Variants in CES4A observed in about 807,000 individuals in gnomAD.
CES4A encodes carboxylesterase 6.
Under a neutral mutation model 65.4 loss-of-function variants are expected in CES4A, and 48 were observed. That is an observed-to-expected ratio of 0.73 (90% CI 0.58 to 0.93). The LOEUF (loss-of-function observed/expected upper bound fraction) is 0.93, where lower values mean the gene tolerates loss of function less well. Among genes scored for constraint, CES4A ranks in the 40% least tolerant of loss-of-function variants. CES4A has a pLI of 0.00. For synonymous variants in CES4A, 247 were observed against 281.8 expected, an observed-to-expected ratio of 0.88 and a Z score of 1.24; for missense variants, 685 against 728.5, an observed-to-expected ratio of 0.94 and a Z score of 0.69.
Position 67,005,391 on chromosome 16 carries a change from G to T in CES4A, c.1313G>T (p.Arg438Leu), listed in dbSNP as rs202172028. 3 of 1,613,584 alleles carry T rather than the reference G, an allele frequency of 1.9e-6. No individual in the cohort carries two copies. The South Asian group carries it at 3.3e-5, about 18-fold the overall frequency. The change falls in exon 11 of 14, where the codon CGA becomes CTA. Residue 438 changes from arginine (R) to leucine (L), a missense_variant and splice_region_variant. Arg to Leu is a moderately radical substitution (Grantham distance 102). Transcript: ENST00000648724. The stretch of plus-strand genomic sequence containing the variant: ...ACACTGCAGACTGCTCACTACCACC[G>T]AGGTATGCAGGGTCCCCAAGAGTGG...
Position 67,003,298 on chromosome 16 carries a change from A to T in CES4A, c.838A>T (p.Ile280Phe). 1 of 1,614,180 alleles carries T rather than the reference A, an allele frequency of 6.2e-7. No homozygotes were observed. Among genetic ancestry groups the T allele is most frequent in the South Asian group, 1.1e-5 (1 of 91,088 alleles). ...TGGATGCAACCACAACAGCACACAG[A>T]TCCTGGTAAACTGCCTGAGGGCACT... The change falls in exon 7 of 14, where the codon ATC (isoleucine) becomes TTC (phenylalanine). Residue 280 changes from isoleucine to phenylalanine, a missense_variant. By Grantham distance (21) the Ile-to-Phe change is conservative. Transcript: ENST00000648724. The surrounding 1 kb of genome is among the most constrained non-coding windows in gnomAD (Gnocchi z 4.2).
chr16:66,988,675 T>C (rs923005233), exon 1 of CES4A: 1 of 1,540,792 alleles, frequency 6.5e-7, no homozygotes, highest in Admixed American at 2.0e-5. Context: ...CAGATAAAAG[T>C]GTGCTCACAC....
chr16:66,994,214 AT>A (rs1190514372), intron 1 of CES4A, among the ~76,000 whole-genome samples: 2 of 132,202 alleles, frequency 1.5e-5, no homozygotes, highest in Non-Finnish European at 3.0e-5. Flanking sequence ...ATAGACATAA[AT>A]TTTTATTTAT....
At chr16:66,989,568 A>C (rs970589616) in intron 1 of CES4A, among the ~76,000 whole-genome samples, 39 of 152,116 alleles carry the variant, frequency 2.6e-4, no homozygotes, top group Non-Finnish European at 3.5e-4. Flanking sequence ...AACATTTTTT[A>C]AAAAGTTTTT....
At chr16:67,008,921 G>A in intron 13 of CES4A, 53 bp from the exon 14 acceptor site, 1 of 1,560,030 alleles carries the variant, frequency 6.4e-7, no homozygotes. Context: ...GTGAAAGAAA[G>A]AAGCAGGATG....
intron 11 of CES4A, 57 bp from the exon 12 acceptor site, chr16:67,006,334 A>T: frequency 6.5e-7 from 1 of 1,531,090 alleles, no homozygotes; most frequent in Non-Finnish European, 8.7e-7. Context: ...CATGGGGTGG[A>T]TGAGAAGCCT....
At position 67,003,504 on chromosome 16, in the gene CES4A, C is replaced by T. The variant is rs1461072383; in HGVS notation, c.901-11C>T. On this transcript the variant is annotated splice_polypyrimidine_tract_variant and intron_variant, in intron 7 of 13. Transcript: ENST00000648724. The surrounding 1 kb of genome is among the most constrained non-coding windows in gnomAD (Gnocchi z 4.2). ...CTTCCTTTAACTCTGATCCCTTCCT[C>T]TCCCCCATAGAGATTCCTCCAACTG... The T allele has an allele frequency of 6.2e-7, 1 of 1,612,994 alleles. No individual in the cohort carries two copies. The highest frequency in any genetic ancestry group is 8.5e-7 in the Non-Finnish European group (1 of 1,178,950).
At chr16:66,991,252 T>C (rs994211820) in intron 1 of CES4A, among the ~76,000 whole-genome samples, 1 of 152,182 alleles carries the variant, frequency 6.6e-6, no homozygotes, top group Admixed American at 6.6e-5. Flanking sequence ...CTCGAACTCC[T>C]GACCTCCAGT....
exon 14 of CES4A, chr16:67,009,493 T>C (rs989431002): frequency 1.1e-5 from 2 of 190,028 alleles, no homozygotes; most frequent in African/African-American, 4.7e-5. Flanking sequence ...GACTCCTTCT[T>C]ATGGGAGGTC....
intron 2 of CES4A, among the ~76,000 whole-genome samples, chr16:66,997,292 A>G (rs1964932145): frequency 6.6e-6 from 1 of 152,146 alleles, no homozygotes; most frequent in Non-Finnish European, 1.5e-5. Flanking sequence ...CACTGTATAG[A>G]AGTCTGGGCA....
chr16:67,003,596 C>T lies in CES4A; in HGVS notation c.939+43C>T, dbSNP rs150868925. 2.0e-6 allele frequency: 3 copies of T among 1,520,412 alleles called. No homozygotes were observed. Among genetic ancestry groups the T allele is most frequent in the South Asian group, 2.2e-5 (2 of 89,222 alleles). 94.2% of individuals were successfully genotyped at this position (1,520,412 alleles called of 1,614,324 possible). A position where few individuals can be genotyped will look rare whatever the true frequency, so the allele number is the denominator to read the frequency against. On this transcript the variant is annotated intron_variant, in intron 8 of 13. Transcript: ENST00000648724. The surrounding 1 kb of genome is among the most constrained non-coding windows in gnomAD (Gnocchi z 4.2). The stretch of plus-strand genomic sequence containing the variant: ...TGCAATTTGAGTATTTATTTAACAC[C>T]TACTTTGTGCCAGGCACTTGGGATA...
chr16:67,004,914 G>A, intron 10 of CES4A, 41 bp downstream of exon 10: 2 of 1,468,166 alleles, frequency 1.4e-6, no homozygotes, highest in Non-Finnish European at 1.8e-6. Context: ...TTCGGACAGG[G>A]TTGACCCCCC....
intron 1 of CES4A, among the ~76,000 whole-genome samples, chr16:66,995,107 C>G (rs940268061): frequency 2.0e-5 from 3 of 150,638 alleles, no homozygotes; most frequent in African/African-American, 4.9e-5. Context: ...GTCAGGAGAT[C>G]GAGACCATCC....
chr16:66,990,485 TCAG>T (rs1190158482), intron 1 of CES4A, among the ~76,000 whole-genome samples: 1 of 152,076 alleles, frequency 6.6e-6, no homozygotes, highest in Non-Finnish European at 1.5e-5. Context: ...TTGCTTAAGC[TCAG>T]GAGTTCAAGA....
At position 67,003,679 on chromosome 16, in the gene CES4A, G is replaced by A. The variant is rs1965526999; in HGVS notation, c.939+126G>A. 1 of 793,044 alleles carries A rather than the reference G, an allele frequency of 1.3e-6. No individual in the cohort carries two copies. The highest frequency in any genetic ancestry group is 2.2e-6 in the Non-Finnish European group (1 of 449,324). 49.1% of individuals were successfully genotyped at this position (793,044 alleles called of 1,614,324 possible). A position where few individuals can be genotyped will look rare whatever the true frequency, so the allele number is the denominator to read the frequency against. ...CTAGTGGAGCTGATGTTCCAGTGGG[G>A]AAGGAGAATAAACCCTATAAATAAA... is the stretch of plus-strand genomic sequence containing the variant. On this transcript the variant is annotated intron_variant, in intron 8 of 13. Transcript: ENST00000648724. This position sits in a 1 kb window ranked among gnomAD's most constrained non-coding sequence, Gnocchi z 4.2.
At chr16:66,992,323 C>T (rs917306092) in intron 1 of CES4A, among the ~76,000 whole-genome samples, 6 of 152,206 alleles carry the variant, frequency 3.9e-5, no homozygotes, top group African/African-American at 1.4e-4. Context: ...CTTCTTTTTG[C>T]CCAGATATTG....
At chr16:66,990,387 C>T (rs1964296343) in intron 1 of CES4A, among the ~76,000 whole-genome samples, 1 of 152,148 alleles carries the variant, frequency 6.6e-6, no homozygotes, top group African/African-American at 2.4e-5. Context: ...TTATCTATAG[C>T]TGTACTATTA....
Position 67,003,899 on chromosome 16 carries a change from G to A in CES4A, c.940-185G>A, listed in dbSNP as rs951424389. 4.6e-5 allele frequency among the ~76,000 whole-genome samples: 7 copies of A among 152,090 alleles called. No homozygotes were observed. The East Asian group carries it at 1.2e-3, about 25-fold the overall frequency. On this transcript the variant is annotated intron_variant, in intron 8 of 13. Coordinates refer to ENST00000648724, the Ensembl canonical transcript of CES4A. The surrounding 1 kb of genome is among the most constrained non-coding windows in gnomAD (Gnocchi z 4.2). ...ATACCCGCGGCCATCCCAAGTCCAC[G>A]TAATTTGGTCCTGCCTATCCTGCTC...
intron 10 of CES4A, 134 bp from the exon 11 acceptor site, chr16:67,005,106 C>A (rs1266285862): frequency 1.9e-5 from 18 of 936,086 alleles, no homozygotes; most frequent in Middle Eastern, 6.4e-4. Context: ...CAGAAACTTT[C>A]CCAGGAAGCT....
Sources: allele counts gnomAD v4.1 joint callset (sites outside exome capture counted in the v4.1 genomes callset), GRCh38; gene constraint gnomAD v4.1.1; non-coding constraint Gnocchi (gnomAD v3.1); transcripts MANE v1.5; gene names NCBI Gene and HGNC (gene_info 2026-07-23, HGNC 2026-07-21).